The following TRMT11 variants were observed in gnomAD, a reference collection of about 807,000 sequenced individuals.
TRMT11 encodes tRNA (guanine(10)-N(2))-methyltransferase TRMT11.
A neutral mutation model predicts 62.8 loss-of-function variants in TRMT11; 53 were observed. The ratio of observed to expected loss-of-function variants is 0.84; its 90% CI spans 0.68 to 1.06. The LOEUF (loss-of-function observed/expected upper bound fraction) is 1.06. Among genes scored for constraint, TRMT11 ranks in the 50% least tolerant of loss-of-function variants. TRMT11 has a pLI of 0.00. For missense variants in TRMT11, 556 were observed against 553.4 expected (o/e 1.00, Z -0.05); for synonymous variants, 188 against 190.3 (o/e 0.99, Z 0.10).
chr6:126,140,898 A>AT (rs1168420190), intron 21 of TRMT11, among the ~76,000 whole-genome samples: 1 of 152,110 alleles, frequency 6.6e-6, no homozygotes, highest in Non-Finnish European at 1.5e-5. Flanking sequence ...CGATTCCAGA[A>AT]TTCAGGAATC....
intron 17 of TRMT11, among the ~76,000 whole-genome samples, chr6:126,054,645 A>T (rs1776317198): frequency 6.6e-6 from 1 of 152,234 alleles, no homozygotes; most frequent in South Asian, 2.1e-4. Flanking sequence ...CAAAATACAA[A>T]CACTGTTTCA....
At chr6:126,270,034 A>C in the TRMT11 span, among the ~76,000 whole-genome samples, 3 of 152,330 alleles carry the variant, frequency 2.0e-5, no homozygotes, top group Non-Finnish European at 4.4e-5. Context: ...TCAAAATGGA[A>C]GTAAAATCAA....
At chr6:125,999,681 A>G (rs960520936) in intron 7 of TRMT11, 68 bp downstream of exon 7, 33 of 1,403,276 alleles carry the variant, frequency 2.4e-5, no homozygotes, top group African/African-American at 8.7e-5. Context: ...GGTCATGGTA[A>G]TATTTTTGCT....
At chr6:126,171,157 T>A (rs915744317) in intron 21 of TRMT11, among the ~76,000 whole-genome samples, 1 of 152,192 alleles carries the variant, frequency 6.6e-6, no homozygotes, top group Non-Finnish European at 1.5e-5. Flanking sequence ...CAGAATTTAT[T>A]CTGGGGAGGC....
chr6:126,221,112 A>G, the TRMT11 span, among the ~76,000 whole-genome samples: 2 of 152,208 alleles, frequency 1.3e-5, no homozygotes, highest in Admixed American at 1.3e-4. Flanking sequence ...TCATGACTGC[A>G]TAGTATTCCA....
intron 21 of TRMT11, among the ~76,000 whole-genome samples, chr6:126,164,622 G>C (rs1380369573): frequency 6.6e-6 from 1 of 152,118 alleles, no homozygotes; most frequent in Non-Finnish European, 1.5e-5. Flanking sequence ...GTCTTTTGTA[G>C]GTCTCTAAGA....
intron 17 of TRMT11, among the ~76,000 whole-genome samples, chr6:126,093,609 A>G (rs865914413): frequency 7.7e-5 from 7 of 91,040 alleles, no homozygotes; most frequent in African/African-American, 5.0e-4. Context: ...ATATATATAT[A>G]TATATATATA....
chr6:126,056,744 T>C (rs1358337130), intron 17 of TRMT11, among the ~76,000 whole-genome samples: 64 of 152,170 alleles, frequency 4.2e-4, no homozygotes, highest in Admixed American at 6.5e-5. Context: ...AGAGGAAGTT[T>C]TGCTTGGGAA....
chr6:126,236,585 T>C, the TRMT11 span, among the ~76,000 whole-genome samples: 1 of 152,366 alleles, frequency 6.6e-6, no homozygotes, highest in South Asian at 2.1e-4. Flanking sequence ...GCACCAGGAA[T>C]GAATTTCCAT....
At chr6:126,217,813 G>A in the TRMT11 span, among the ~76,000 whole-genome samples, 1 of 152,130 alleles carries the variant, frequency 6.6e-6, no homozygotes, top group South Asian at 2.1e-4. Flanking sequence ...AAATCAGTCA[G>A]GTTTGTGTCC....
the TRMT11 span, among the ~76,000 whole-genome samples, chr6:126,235,900 T>C: frequency 6.6e-6 from 1 of 152,212 alleles, no homozygotes; most frequent in African/African-American, 2.4e-5. Context: ...TGTTTGACAG[T>C]TGAGTCATTC....
At chr6:126,192,611 G>T (rs1778616285) in intron 1 of TRMT11, among the ~76,000 whole-genome samples, 1 of 152,050 alleles carries the variant, frequency 6.6e-6, no homozygotes, top group South Asian at 2.1e-4. Flanking sequence ...GTTGAGGTAT[G>T]CTCCTTTTAT....
At chr6:126,043,801 C>T (rs1271705608), downstream of TRMT11, among the ~76,000 whole-genome samples, 1 of 150,578 alleles carries the variant, frequency 6.6e-6, no homozygotes, top group East Asian at 1.9e-4. Flanking sequence ...TCTCTGATGG[C>T]CAGTGATGGT....
At chr6:126,113,756 C>G (rs563217474) in intron 18 of TRMT11, among the ~76,000 whole-genome samples, 4 of 152,138 alleles carry the variant, frequency 2.6e-5, no homozygotes, top group South Asian at 2.1e-4. Flanking sequence ...AAAGTAGGCT[C>G]TCAATATTAG....
intron 21 of TRMT11, among the ~76,000 whole-genome samples, chr6:126,160,927 T>G (rs546717022): frequency 2.0e-5 from 3 of 152,118 alleles, no homozygotes; most frequent in South Asian, 4.1e-4. Flanking sequence ...AAGAAAGAAA[T>G]AAAAGTACAG....
chr6:126,094,083 A>C (rs1777313183), intron 17 of TRMT11, among the ~76,000 whole-genome samples: 1 of 151,612 alleles, frequency 6.6e-6, no homozygotes, highest in African/African-American at 2.4e-5. Flanking sequence ...AGTGTAATAG[A>C]AAATGTGATA....
rs183373270 is a variant in TRMT11 at position 125,998,801 on chromosome 6, G to A, written c.522+117G>A. The A allele has an allele frequency of 3.1e-5, 29 of 938,748 alleles. No individual in the cohort carries two copies. The African/African-American group carries it at 3.3e-4, about 11-fold the overall frequency. The allele number at this position is 938,748 out of a possible 1,614,324, so 58.2% of individuals were successfully genotyped here. On this transcript the variant is annotated intron_variant, in intron 6 of 12. Coordinates refer to ENST00000334379, the MANE Select transcript of TRMT11 (RefSeq NM_001031712.3). ...AGCTGAAGAGTCAGAACTACTGAAT[G>A]GATTAAAATTGGTGAAGAGTATGTG...
chr6:126,206,289 G>A (rs1778791705), downstream of TRMT11, among the ~76,000 whole-genome samples: 1 of 152,122 alleles, frequency 6.6e-6, no homozygotes, highest in African/African-American at 2.4e-5. Context: ...TAATGTCTAT[G>A]GGGATCTTGT....
intron 21 of TRMT11, among the ~76,000 whole-genome samples, chr6:126,160,244 C>G (rs962702826): frequency 1.3e-5 from 2 of 152,160 alleles, no homozygotes; most frequent in African/African-American, 4.8e-5. Flanking sequence ...ATTCACCTCA[C>G]AAAGTGATTA....
Sources: gnomAD v4.1 joint callset for allele counts (sites outside exome capture counted in the v4.1 genomes callset) on GRCh38, gnomAD v4.1.1 for gene constraint, MANE v1.5 for transcripts, NCBI Gene and HGNC (gene_info 2026-07-23, HGNC 2026-07-21) for gene names.